Variants in OCIAD1 observed in about 807,000 individuals in gnomAD.
OCIAD1 encodes OCIA domain containing 1.
OCIAD1 carries 29 observed loss-of-function variants against 38.9 expected under a neutral mutation model. That is an observed-to-expected ratio of 0.74 (90% CI 0.55 to 1.02). The LOEUF (loss-of-function observed/expected upper bound fraction) is 1.02, where lower values mean the gene tolerates loss of function less well. OCIAD1 is among the 50% of genes least tolerant of loss of function. The probability of loss-of-function intolerance (pLI) is 0.00; values close to 1 mark genes in which losing one functional copy is unlikely to be tolerated. For synonymous variants in OCIAD1, 110 were observed against 92.0 expected (o/e 1.20, Z -1.12); for missense variants, 288 against 289.6 (o/e 0.99, Z 0.04).
chr4:48,844,869 G>C (rs1340114312), intron 4 of OCIAD1, among the ~76,000 whole-genome samples: 1 of 152,080 alleles, frequency 6.6e-6, no homozygotes, highest in East Asian at 1.9e-4. Context: ...TAATACCTAA[G>C]ACTATGTAAA....
chr4:48,860,392 A>C (rs938184735), intron 8 of OCIAD1, among the ~76,000 whole-genome samples: 5 of 150,622 alleles, frequency 3.3e-5, no homozygotes, highest in African/African-American at 1.2e-4. Flanking sequence ...TAGGCTTTGG[A>C]TCTAAACAGA....
upstream of OCIAD1, among the ~76,000 whole-genome samples, chr4:48,826,515 G>A (rs373791702): frequency 6.6e-6 from 1 of 151,978 alleles, no homozygotes; most frequent in African/African-American, 2.4e-5. Flanking sequence ...AGTATTCCTG[G>A]AATACTATAT....
intron 1 of OCIAD1, among the ~76,000 whole-genome samples, chr4:48,816,568 G>A (rs1777145884): frequency 6.6e-6 from 1 of 151,654 alleles, no homozygotes; most frequent in Non-Finnish European, 1.5e-5. Context: ...ATAAATACTG[G>A]CTTTTGTTGA....
intron 1 of OCIAD1, among the ~76,000 whole-genome samples, chr4:48,824,976 C>T (rs577628579): frequency 1.3e-5 from 2 of 152,218 alleles, no homozygotes; most frequent in East Asian, 3.9e-4. Flanking sequence ...GCTCAAATGA[C>T]CTGCCCACCT....
At position 48,819,738 on chromosome 4, in the gene OCIAD1, A is replaced by G. The variant is rs1197877961; in HGVS notation, c.-102-10839A>G. ...GCGCAAAAAAAAAAAAAAAAAAAAAAAAAAAAGGAGGGGTTGCAATCCCAG... is the reference window on the plus strand; with the variant it reads ...GCGCAAAAAAAAAAAAAAAAAAAAAGAAAAAAGGAGGGGTTGCAATCCCAG... On this transcript the variant is annotated intron_variant, in intron 1 of 6. Transcript: ENST00000504654. Among the ~76,000 whole-genome samples the G allele has an allele frequency of 3.4e-5, 5 of 146,968 alleles. No homozygotes were observed. In the South Asian group the frequency reaches 8.8e-4, roughly 26 times the overall value.
At chr4:48,856,991 T>C (rs1158293234) in intron 7 of OCIAD1, 4 of 261,198 alleles carry the variant, frequency 1.5e-5, no homozygotes, top group Non-Finnish European at 2.9e-5. Context: ...TTGATGTCCA[T>C]TTTAATTTTT....
intron 3 of OCIAD1, among the ~76,000 whole-genome samples, chr4:48,836,369 A>G (rs1435732132): frequency 1.3e-5 from 2 of 152,232 alleles, no homozygotes; most frequent in Non-Finnish European, 2.9e-5. Flanking sequence ...AGGAGACTCA[A>G]TGATACCTCT....
chr4:48,842,300 T>C (rs554808979), intron 3 of OCIAD1, among the ~76,000 whole-genome samples: 1 of 152,360 alleles, frequency 6.6e-6, no homozygotes, highest in South Asian at 2.1e-4. Flanking sequence ...ATTAACTTTT[T>C]CCCCTTCTCT....
At chr4:48,854,198 C>T (rs1163803493) in intron 7 of OCIAD1, among the ~76,000 whole-genome samples, 1 of 152,106 alleles carries the variant, frequency 6.6e-6, no homozygotes, top group Non-Finnish European at 1.5e-5. Flanking sequence ...TCAGATATTA[C>T]CAAATCCTTT....
intron 1 of OCIAD1, among the ~76,000 whole-genome samples, chr4:48,824,945 A>G (rs1777233792): frequency 1.3e-5 from 2 of 152,156 alleles, no homozygotes; most frequent in African/African-American, 4.8e-5. Flanking sequence ...AATGTTGCCC[A>G]GGTGGGTCTG....
chr4:48,852,890 T>TTTTGTTTTTGTG (rs1560438246), intron 7 of OCIAD1, among the ~76,000 whole-genome samples: 3 of 147,676 alleles, frequency 2.0e-5, no homozygotes, highest in African/African-American at 7.6e-5. Flanking sequence ...TTGTTTTTTT[T>TTTTGTTTTTGTG]TTTTTTTTTG....
intron 1 of OCIAD1, among the ~76,000 whole-genome samples, chr4:48,820,435 C>T (rs1777183777): frequency 6.6e-6 from 1 of 152,154 alleles, no homozygotes; most frequent in African/African-American, 2.4e-5. Context: ...ACTTAATGCC[C>T]ACAACAGAAA....
At chr4:48,852,750 CATT>C (rs1779601220) in intron 7 of OCIAD1, among the ~76,000 whole-genome samples, 1 of 152,044 alleles carries the variant, frequency 6.6e-6, no homozygotes, top group Non-Finnish European at 1.5e-5. Flanking sequence ...ACTCAAAAAA[CATT>C]AGTTTCTTTC....
At chr4:48,836,473 T>C (rs1778001472) in intron 3 of OCIAD1, among the ~76,000 whole-genome samples, 1 of 152,176 alleles carries the variant, frequency 6.6e-6, no homozygotes, top group Admixed American at 6.5e-5. Context: ...TGTCGAAGAT[T>C]TCTAAGCAAC....
chr4:48,852,027 A>G, intron 7 of OCIAD1, 52 bp downstream of exon 7: 2 of 1,408,062 alleles, frequency 1.4e-6, no homozygotes, highest in Non-Finnish European at 2.0e-6. Flanking sequence ...CAACGTATGT[A>G]TAAACTTTAT....
intron 1 of OCIAD1, among the ~76,000 whole-genome samples, chr4:48,815,602 T>G (rs2109490945): frequency 6.6e-6 from 1 of 152,342 alleles, no homozygotes; most frequent in African/African-American, 2.4e-5. Context: ...AAATATTTAC[T>G]TCTGTGACTC....
At chr4:48,831,316 A>G (rs1777465373) in intron 1 of OCIAD1, 67 bp downstream of exon 1, 1 of 392,528 alleles carries the variant, frequency 2.5e-6, no homozygotes. Flanking sequence ...CTTTGCGGCC[A>G]TCCACGACTT....
At chr4:48,815,792 C>A (rs999961126) in intron 1 of OCIAD1, among the ~76,000 whole-genome samples, 24 of 152,120 alleles carry the variant, frequency 1.6e-4, no homozygotes, top group African/African-American at 3.9e-4. Flanking sequence ...TTAATGACAA[C>A]AAAGCTTTTT....
Position 48,857,202 on chromosome 4 carries a change from T to C in OCIAD1, c.548-11T>C. 1 of 1,506,074 alleles carries C rather than the reference T, an allele frequency of 6.6e-7. No homozygotes were observed. Among genetic ancestry groups the C allele is most frequent in the Non-Finnish European group, 8.9e-7 (1 of 1,126,262 alleles). The allele number at this position is 1,506,074 out of a possible 1,614,324, so 93.3% of individuals were successfully genotyped here. ...CTTTTATTACCATTTATTAACTGTT[T>C]GTTGTTTTAGGACCTGATCCCAACC... On this transcript the variant is annotated splice_polypyrimidine_tract_variant and intron_variant, in intron 7 of 8. Transcript: ENST00000264312.
Sources: allele counts gnomAD v4.1 joint callset (sites outside exome capture counted in the v4.1 genomes callset), GRCh38; gene constraint gnomAD v4.1.1; transcripts MANE v1.5; gene names NCBI Gene and HGNC (gene_info 2026-07-23, HGNC 2026-07-21).